The following TEAD3 variants were observed in gnomAD, a reference collection of about 807,000 sequenced individuals.
The protein encoded by TEAD3 is transcriptional enhancer factor TEF-5.
TEAD3 carries 15 observed loss-of-function variants against 55.6 expected under a neutral mutation model. That is an observed-to-expected ratio of 0.27 (90% CI 0.18 to 0.42). The LOEUF (loss-of-function observed/expected upper bound fraction) is 0.42. Among genes scored for constraint, TEAD3 ranks in the 10% least tolerant of loss-of-function variants. The pLI, the probability that TEAD3 is intolerant of heterozygous loss-of-function variation, is 1.00. For missense variants in TEAD3, 407 were observed against 576.8 expected, an observed-to-expected ratio of 0.71 and a Z score of 3.01; for synonymous variants, 210 against 232.2, an observed-to-expected ratio of 0.90 and a Z score of 0.87.
In TEAD3 at chr6:35,486,447, C is replaced by T. The variant is rs770283141; in HGVS notation, c.202+14G>A. On this transcript the variant is annotated intron_variant, in intron 2 of 12. Transcript: ENST00000639578. The surrounding 1 kb of genome is among the most constrained non-coding windows in gnomAD (Gnocchi z 7.3). ...GGAAGGGCCGCAGTCCCGCCCGCGC[C>T]CCCCGGCACGCACCGTACATCTTGC... The T allele has an allele frequency of 3.1e-6, 5 of 1,603,944 alleles. No individual in the cohort carries two copies. Among genetic ancestry groups the T allele is most frequent in the Non-Finnish European group, 1.7e-6 (2 of 1,172,852 alleles).
rs1181006561 is a variant in TEAD3, at chr6:35,486,395, G to A, written c.202+66C>T. ...TGGCGGCCTCCGACGTCACCAAACC[G>A]GTTGGGTGAGAGGGCAGAGAGCAGG... On this transcript the variant is annotated intron_variant, in intron 2 of 12. Transcript: ENST00000639578. The surrounding 1 kb of genome is among the most constrained non-coding windows in gnomAD (Gnocchi z 7.3). 3 of 1,539,782 alleles carry A rather than the reference G, an allele frequency of 1.9e-6. No homozygotes were observed. The African/African-American group carries it at 4.1e-5, about 21-fold the overall frequency.
intron 8 of TEAD3, 142 bp from the exon 9 acceptor site, chr6:35,476,577 T>C (rs1768154082): frequency 2.4e-6 from 2 of 842,596 alleles, no homozygotes; most frequent in Admixed American, 2.6e-5. Flanking sequence ...CCTTGTACAG[T>C]GTACAACCTG....
exon 9 of TEAD3, chr6:35,476,376 G>T: frequency 6.2e-7 from 1 of 1,612,964 alleles, no homozygotes; most frequent in Admixed American, 1.7e-5. Flanking sequence ...GCAATGGTAC[G>T]GTCCTGCCAC....
intron 3 of TEAD3, 84 bp downstream of exon 4, chr6:35,480,228 A>C (rs769800309): frequency 3.2e-5 from 50 of 1,567,656 alleles, no homozygotes; most frequent in Non-Finnish European, 3.5e-5. Context: ...GAGCTGGCCA[A>C]GGAAAGGCCT....
intron 9 of TEAD3, 51 bp from the exon 10 acceptor site, chr6:35,476,143 C>CA: frequency 6.5e-7 from 1 of 1,534,620 alleles, no homozygotes; most frequent in Non-Finnish European, 8.8e-7. Context: ...CTTGCAGGCC[C>CA]GGGGGCGGGG....
intron 1 of TEAD3, among the ~76,000 whole-genome samples, chr6:35,492,988 C>T (rs1471394854): frequency 6.6e-6 from 1 of 152,110 alleles, no homozygotes; most frequent in East Asian, 1.9e-4. Context: ...GTTACCATGC[C>T]AGACTCCTGG....
rs112019098 is a variant in TEAD3 at position 35,476,252 on chromosome 6, G to C, written c.726+50C>G. ...AGTTGCAGCCCTGGATCACCCGGCC[G>C]GCCTCTCCACAATTGTGCAAAGCCT... On this transcript the variant is annotated intron_variant, in intron 9 of 12. Transcript: ENST00000639578. 11 of 1,587,618 alleles carry C rather than the reference G, an allele frequency of 6.9e-6. No homozygotes were observed. In the South Asian group the frequency reaches 1.2e-4, roughly 18 times the overall value.
exon 13 of TEAD3, chr6:35,474,900 G>A: frequency 3.2e-6 from 2 of 631,870 alleles, no homozygotes; most frequent in Non-Finnish European, 5.6e-6. Context: ...TGTGTGTGCT[G>A]GGGTAGGTGG....
downstream of TEAD3, chr6:35,473,649 T>C (rs937312560): frequency 2.0e-5 from 3 of 151,300 alleles, no homozygotes; most frequent in Non-Finnish European, 4.4e-5. Flanking sequence ...TTTTTTTTTT[T>C]TGAGCAGGAG....
At chr6:35,480,055 C>G (rs969468486) in intron 4 of TEAD3, 2 of 1,509,696 alleles carry the variant, frequency 1.3e-6, no homozygotes, top group Middle Eastern at 1.7e-4. Flanking sequence ...GCAGGGGCCC[C>G]GTACCTTCAG....
At position 35,479,382 on chromosome 6, in the gene TEAD3, C is replaced by T. The variant is rs1398014031; in HGVS notation, c.331-66G>A. 9 of 1,596,266 alleles carry T rather than the reference C, an allele frequency of 5.6e-6. No individual in the cohort carries two copies. The Admixed American group carries it at 6.7e-5, about 12-fold the overall frequency. On this transcript the variant is annotated intron_variant, in intron 4 of 12. Coordinates refer to ENST00000639578, the Ensembl canonical transcript of TEAD3. ...AGCACCAGGGCTGTGGGCTGAGGGA[C>T]GTCTTTGCGCCTACCTCCACCCAGT... is the stretch of plus-strand genomic sequence containing the variant.
chr6:35,481,217 GTGTGTGCCCTGGGC>G (rs1320905667), intron 3 of TEAD3, among the ~76,000 whole-genome samples: 1 of 152,076 alleles, frequency 6.6e-6, no homozygotes, highest in South Asian at 2.1e-4. Context: ...CTGTCTGGAT[GTGTGTGCCCTGGGC>G]TGTGTGCCCA....
intron 1 of TEAD3, among the ~76,000 whole-genome samples, chr6:35,495,616 G>C (rs537156542): frequency 6.6e-6 from 1 of 152,262 alleles, no homozygotes; most frequent in South Asian, 2.1e-4. Context: ...GTGCCCCTAC[G>C]AGAGGGGTCT....
chr6:35,482,181 T>C (rs1037300334), intron 3 of TEAD3, among the ~76,000 whole-genome samples: 14 of 152,264 alleles, frequency 9.2e-5, no homozygotes, highest in Non-Finnish European at 2.1e-4. Flanking sequence ...AGACGGGGTT[T>C]CACCATGTTG....
chr6:35,478,290 G>C (rs769394960), exon 7 of TEAD3: 1 of 1,613,806 alleles, frequency 6.2e-7, no homozygotes, highest in South Asian at 1.1e-5. Context: ...AGAGGGTCCA[G>C]GCTGCTGTCC....
At chr6:35,494,769 G>C (rs892088427) in intron 1 of TEAD3, among the ~76,000 whole-genome samples, 1 of 151,980 alleles carries the variant, frequency 6.6e-6, no homozygotes, top group Non-Finnish European at 1.5e-5. Context: ...CCACCCAAGC[G>C]GCCTCTGAGC....
chr6:35,476,824 GT>G (rs35575806), intron 8 of TEAD3, among the ~76,000 whole-genome samples: 40,947 of 152,036 alleles, frequency 0.27, 10,328 homozygotes, highest in African/African-American at 0.66. Context: ...ATTGGCTATG[GT>G]TTTTTTGTTT....
At chr6:35,477,493 G>A (rs866050801) in intron 7 of TEAD3, 121 bp from the exon 8 acceptor site, 17 of 862,756 alleles carry the variant, frequency 2.0e-5, no homozygotes, top group African/African-American at 5.1e-5. Flanking sequence ...GCCCAGAAAC[G>A]CATGCTGAAA....
rs141298110 is a variant in TEAD3 at position 35,476,143 on chromosome 6, CG to C, written c.727-52del. On this transcript the variant is annotated intron_variant, in intron 9 of 12. Transcript: ENST00000639578. Reference sequence around the variant, plus strand: ...AGGAGAGTACTCAGGCTTGCAGGCCCGGGGGCGGGGAAGGGAGCACTGCACA... The same window carrying C: ...AGGAGAGTACTCAGGCTTGCAGGCCCGGGGCGGGGAAGGGAGCACTGCACA... 759 of 1,534,610 alleles carry C rather than the reference CG, an allele frequency of 4.9e-4. 5 individuals carry two copies. In the East Asian group the frequency reaches 0.012, roughly 25 times the overall value.
Sources: allele counts gnomAD v4.1 joint callset (sites outside exome capture counted in the v4.1 genomes callset), GRCh38; gene constraint gnomAD v4.1.1; non-coding constraint Gnocchi (gnomAD v3.1); transcripts MANE v1.5; gene names NCBI Gene and HGNC (gene_info 2026-07-23, HGNC 2026-07-21).